Variants in CASP5 observed in about 807,000 individuals in gnomAD.
The protein encoded by CASP5 is caspase-5.
CASP5 carries 42 observed loss-of-function variants against 45.2 expected under a neutral mutation model. The ratio of observed to expected loss-of-function variants is 0.93; its 90% CI spans 0.73 to 1.20. The LOEUF (loss-of-function observed/expected upper bound fraction) is 1.20, where lower values mean the gene tolerates loss of function less well. CASP5 is among the 50% of genes most tolerant of loss of function. The probability of loss-of-function intolerance (pLI) is 0.00; values close to 1 mark genes in which losing one functional copy is unlikely to be tolerated. For missense variants in CASP5, 512 were observed against 532.2 expected (o/e 0.96, Z 0.37); for synonymous variants, 209 against 186.2 (o/e 1.12, Z -1.00).
intron 1 of CASP5, among the ~76,000 whole-genome samples, chr11:105,009,770 C>CTT (rs1491178677): frequency 2.3e-5 from 1 of 42,962 alleles, no homozygotes; most frequent in Non-Finnish European, 4.5e-5. Flanking sequence ...CACACACACA[C>CTT]GTATATATAT....
At chr11:105,002,283 A>T in intron 4 of CASP5, 82 bp from the exon 5 acceptor site, 1 of 1,216,106 alleles carries the variant, frequency 8.2e-7, no homozygotes. Context: ...TGCTTTTTTA[A>T]GACCTCATGC....
intron 1 of CASP5, among the ~76,000 whole-genome samples, chr11:105,021,761 A>G (rs1862975199): frequency 6.7e-6 from 1 of 150,134 alleles, no homozygotes; most frequent in South Asian, 2.1e-4. Flanking sequence ...GCGATTCCAC[A>G]GGGATCTAGA....
At chr11:105,003,460 A>G in intron 3 of CASP5, 77 bp from the exon 4 acceptor site, 1 of 724,130 alleles carries the variant, frequency 1.4e-6, no homozygotes, top group Non-Finnish European at 2.3e-6. Flanking sequence ...TTTGAGAGAG[A>G]GAGAGAGAGA....
chr11:105,004,056 C>T (rs978260388), intron 3 of CASP5, among the ~76,000 whole-genome samples: 2 of 151,962 alleles, frequency 1.3e-5, no homozygotes, highest in African/African-American at 4.8e-5. Flanking sequence ...AATCCTGTAC[C>T]ATCCTGGTAT....
intron 1 of CASP5, among the ~76,000 whole-genome samples, chr11:105,009,784 T>C (rs1218378994): frequency 1.0e-4 from 12 of 118,892 alleles, no homozygotes; most frequent in African/African-American, 3.5e-4. Context: ...TATATATATA[T>C]ATACACACGT....
At chr11:104,999,054 T>G in intron 6 of CASP5, 26 bp from the exon 7 acceptor site, 1 of 1,569,800 alleles carries the variant, frequency 6.4e-7, no homozygotes. Flanking sequence ...CTTTCTTTTT[T>G]TTTTATGTTA....
At chr11:105,016,365 A>G (rs183486372) in intron 1 of CASP5, among the ~76,000 whole-genome samples, 39 of 152,242 alleles carry the variant, frequency 2.6e-4, no homozygotes, top group Admixed American at 2.0e-3. Context: ...CGAGCAGAAG[A>G]CGGGTGATTT....
chr11:105,009,801 A>G (rs1862216375), intron 1 of CASP5, among the ~76,000 whole-genome samples: 1 of 115,362 alleles, frequency 8.7e-6, no homozygotes, highest in Admixed American at 8.3e-5. Context: ...ACGTATATAT[A>G]TATATACACA....
chr11:105,020,752 CA>C (rs199720514), intron 1 of CASP5, among the ~76,000 whole-genome samples: 4,302 of 152,252 alleles, frequency 0.028, 189 homozygotes, highest in African/African-American at 0.098. Flanking sequence ...TTTACAGATT[CA>C]ATGCCATCGC....
chr11:105,009,313 G>A (rs3181318), intron 1 of CASP5, among the ~76,000 whole-genome samples: 59,002 of 151,470 alleles, frequency 0.39, 12,661 homozygotes, highest in African/African-American at 0.58. Flanking sequence ...CCTACCTGAA[G>A]TGTGTGCACC....
chr11:105,012,077 A>G (rs1459971130), intron 1 of CASP5, among the ~76,000 whole-genome samples: 3 of 151,840 alleles, frequency 2.0e-5, no homozygotes, highest in African/African-American at 4.8e-5. Context: ...TACTGGCATA[A>G]AAGCAAACAC....
chr11:105,000,439 G>A lies in CASP5; in HGVS notation c.774C>T (p.Asp258=), dbSNP rs752460179. 1 of 1,614,150 alleles carries A rather than the reference G, an allele frequency of 6.2e-7. No individual in the cohort carries two copies. The highest frequency in any genetic ancestry group is 8.5e-7 in the Non-Finnish European group (1 of 1,179,996). ...FAARPEHKSS[D]STFLVLMSHG... is the part of the protein sequence containing the mutation. ...GAGACATGAGTACCAAGAACGTGCT[G>A]TCAGAGGACTTGTGCTCTGGTCTGG... Residue 258 remains aspartate (D), a synonymous_variant, in exon 6 of 10, where the codon GAC becomes GAT. Transcript: ENST00000260315.
intron 1 of CASP5, among the ~76,000 whole-genome samples, chr11:105,009,714 T>TACACACAC (rs367820511): frequency 1.8e-3 from 128 of 71,394 alleles, no homozygotes; most frequent in South Asian, 4.7e-3. Context: ...GATATATATA[T>TACACACAC]ACACACATAT....
At chr11:105,011,413 A>G (rs975167514) in intron 1 of CASP5, among the ~76,000 whole-genome samples, 1 of 151,860 alleles carries the variant, frequency 6.6e-6, no homozygotes, top group South Asian at 2.1e-4. Context: ...AAACACACCC[A>G]CTTTCACCGC....
chr11:104,994,664 C>T (rs1565377680), intron 9 of CASP5, among the ~76,000 whole-genome samples: 1 of 152,186 alleles, frequency 6.6e-6, no homozygotes, highest in East Asian at 1.9e-4. Context: ...CCTAATTTGT[C>T]TCTGTCAGTT....
chr11:105,000,645 G>GT (rs922145909), intron 5 of CASP5, 150 bp from the exon 6 acceptor site: 10 of 699,098 alleles, frequency 1.4e-5, no homozygotes, highest in African/African-American at 1.3e-4. Flanking sequence ...GCAGTTTTAT[G>GT]TTTTTTTGTT....
At position 105,002,508 on chromosome 11, in the gene CASP5, TG is replaced by T. The variant is rs1234089638; in HGVS notation, c.544-308del. 4.6e-5 allele frequency among the ~76,000 whole-genome samples: 7 copies of T among 152,342 alleles called. No individual in the cohort carries two copies. The East Asian group carries it at 1.3e-3, about 29-fold the overall frequency. On this transcript the variant is annotated intron_variant, in intron 4 of 9. Coordinates refer to ENST00000260315, the MANE Select transcript of CASP5 (RefSeq NM_004347.5). ...AAATTTCATATAAACCAAGAGGTGTTGTCATCGGCTCCAGTAAAAATAAATA... is the reference window on the plus strand; with the variant it reads ...AAATTTCATATAAACCAAGAGGTGTTTCATCGGCTCCAGTAAAAATAAATA...
chr11:105,014,161 A>G (rs1862477633), intron 1 of CASP5, among the ~76,000 whole-genome samples: 1 of 152,062 alleles, frequency 6.6e-6, no homozygotes. Context: ...TCATCTTCTG[A>G]TACTGTCCCC....
At chr11:105,015,394 A>C (rs1294097418) in intron 1 of CASP5, among the ~76,000 whole-genome samples, 5 of 152,242 alleles carry the variant, frequency 3.3e-5, no homozygotes, top group African/African-American at 1.2e-4. Flanking sequence ...TTTAGTAATC[A>C]ATGAATTGAA....
Sources: allele counts gnomAD v4.1 joint callset (sites outside exome capture counted in the v4.1 genomes callset), GRCh38; gene constraint gnomAD v4.1.1; transcripts MANE v1.5; gene names NCBI Gene and HGNC (gene_info 2026-07-23, HGNC 2026-07-21).